Variants in NRG3 observed in about 807,000 individuals in gnomAD.
The protein encoded by NRG3 is neuregulin 3.
NRG3 carries 31 observed loss-of-function variants against 66.9 expected under a neutral mutation model. The ratio of observed to expected loss-of-function variants is 0.46; its 90% confidence interval spans 0.35 to 0.63. NRG3 has a LOEUF of 0.63. Among genes scored for constraint, NRG3 ranks in the 20% least tolerant of loss-of-function variants. The probability of loss-of-function intolerance (pLI) is 0.00; values close to 1 mark genes in which losing one functional copy is unlikely to be tolerated. For synonymous variants in NRG3, 393 were observed against 359.4 expected (o/e 1.09, Z -1.06); for missense variants, 910 against 878.9 (o/e 1.04, Z -0.45).
chr10:82,685,406 G>C (rs193132955), intron 2 of NRG3, among the ~76,000 whole-genome samples: 4 of 152,262 alleles, frequency 2.6e-5, no homozygotes, highest in Admixed American at 2.6e-4. Flanking sequence ...CAGTAAAAAC[G>C]AACTAAGTAC....
chr10:82,525,123 G>A (rs1846567938), intron 2 of NRG3, among the ~76,000 whole-genome samples: 1 of 151,844 alleles, frequency 6.6e-6, no homozygotes, highest in Non-Finnish European at 1.5e-5. Context: ...TAACAAAAAG[G>A]ATGGGCTTGA....
intron 3 of NRG3, among the ~76,000 whole-genome samples, chr10:82,759,176 G>GTCTC (rs113145049): frequency 3.5e-4 from 52 of 150,014 alleles, no homozygotes; most frequent in Middle Eastern, 3.4e-3. Flanking sequence ...GGCTTTCTTG[G>GTCTC]TCTCTCTCTC....
chr10:82,391,349 G>A (rs892274100), intron 2 of NRG3, among the ~76,000 whole-genome samples: 2 of 152,096 alleles, frequency 1.3e-5, no homozygotes, highest in African/African-American at 4.8e-5. Flanking sequence ...GAGGTATAAG[G>A]GGTTAAGGGA....
chr10:82,652,875 T>A (rs1171583242), intron 2 of NRG3, among the ~76,000 whole-genome samples: 1 of 152,194 alleles, frequency 6.6e-6, no homozygotes, highest in African/African-American at 2.4e-5. Context: ...AATAAATGTG[T>A]TGTTTTAAGC....
At chr10:82,133,596 CT>C (rs1268233640) in intron 1 of NRG3, among the ~76,000 whole-genome samples, 1 of 152,164 alleles carries the variant, frequency 6.6e-6, no homozygotes, top group African/African-American at 2.4e-5. Flanking sequence ...TAATCTCCTT[CT>C]TTTTTATGGC....
intron 4 of NRG3, among the ~76,000 whole-genome samples, chr10:82,914,940 T>C (rs1046712446): frequency 3.3e-5 from 5 of 152,174 alleles, no homozygotes; most frequent in African/African-American, 1.2e-4. Flanking sequence ...ATTCTGAGTA[T>C]ATTTTAAATG....
At chr10:82,342,211 G>C (rs1727075908) in intron 1 of NRG3, among the ~76,000 whole-genome samples, 1 of 151,816 alleles carries the variant, frequency 6.6e-6, no homozygotes, top group Non-Finnish European at 1.5e-5. Context: ...ATTGTGAATA[G>C]TGCTGCCAAA....
At chr10:82,379,564 G>A (rs1306635050) in intron 2 of NRG3, among the ~76,000 whole-genome samples, 2 of 152,012 alleles carry the variant, frequency 1.3e-5, no homozygotes, top group Middle Eastern at 6.8e-3. Context: ...TGATATATGC[G>A]GTGCATAGGC....
chr10:82,464,263 T>G (rs531016848), intron 2 of NRG3, among the ~76,000 whole-genome samples: 1 of 152,212 alleles, frequency 6.6e-6, no homozygotes, highest in South Asian at 2.1e-4. Context: ...CAGGAAAATT[T>G]TTTCTTAGAA....
chr10:82,697,319 T>C (rs984677707), intron 2 of NRG3, among the ~76,000 whole-genome samples: 1 of 152,134 alleles, frequency 6.6e-6, no homozygotes, highest in Non-Finnish European at 1.5e-5. Context: ...TTAAGGTAAC[T>C]GGAAGGAATG....
At chr10:82,785,313 C>T (rs914251700) in intron 3 of NRG3, among the ~76,000 whole-genome samples, 5 of 151,146 alleles carry the variant, frequency 3.3e-5, no homozygotes, top group Non-Finnish European at 5.9e-5. Flanking sequence ...ACGTAACTAA[C>T]CTGCACATTG....
Position 82,300,922 on chromosome 10 carries a change from G to C in NRG3, c.824-57817G>C, listed in dbSNP as rs2080366230. On this transcript the variant is annotated intron_variant, in intron 1 of 8. Transcript: ENST00000372141. ...GAAGTGGAAAGATTGCTTGACCCCA[G>C]GAGCTCAAATTCAGCCTGGGCAACC... 1.3e-5 allele frequency among the ~76,000 whole-genome samples: 2 copies of C among 151,820 alleles called. 1 individual carries two copies. Among genetic ancestry groups the C allele is most frequent in the South Asian group, 4.2e-4 (2 of 4,810 alleles).
At chr10:81,988,155 T>G (rs1396426430) in intron 1 of NRG3, among the ~76,000 whole-genome samples, 1 of 152,190 alleles carries the variant, frequency 6.6e-6, no homozygotes, top group Non-Finnish European at 1.5e-5. Context: ...GATATTTAAT[T>G]TACAGAAATG....
intron 1 of NRG3, among the ~76,000 whole-genome samples, chr10:81,927,287 ATATCC>A (rs550110506): frequency 1.9e-4 from 29 of 152,284 alleles, no homozygotes; most frequent in Non-Finnish European, 3.8e-4. Flanking sequence ...TGAATTATTA[ATATCC>A]TATCTGCTGT....
chr10:82,614,561 A>C lies in NRG3; in HGVS notation c.954-124016A>C, dbSNP rs1369145791. ...TATTGAGCACTAATATGTGCAGTTT[A>C]ATGCTTTATTAATGATTTTTTTAAC... On this transcript the variant is annotated intron_variant, in intron 2 of 8. Transcript: ENST00000372141. Among the ~76,000 whole-genome samples the C allele has an allele frequency of 2.0e-5, 3 of 152,214 alleles. No homozygotes were observed. In the East Asian group the frequency reaches 5.8e-4, roughly 29 times the overall value.
intron 1 of NRG3, among the ~76,000 whole-genome samples, chr10:82,119,134 A>G (rs1387185474): frequency 6.6e-6 from 1 of 152,212 alleles, no homozygotes; most frequent in Admixed American, 6.6e-5. Context: ...AATACATCAA[A>G]CACTTATTTT....
intron 2 of NRG3, among the ~76,000 whole-genome samples, chr10:82,617,745 G>A (rs1416849254): frequency 6.6e-6 from 1 of 152,240 alleles, no homozygotes; most frequent in East Asian, 1.9e-4. Context: ...TGGAAGCCAC[G>A]GCCAGTTGGC....
intron 1 of NRG3, among the ~76,000 whole-genome samples, chr10:82,162,830 T>A (rs2071707879): frequency 6.6e-6 from 1 of 152,182 alleles, no homozygotes; most frequent in Non-Finnish European, 1.5e-5. Flanking sequence ...ATGACTCAGT[T>A]ATTTGAGTTA....
chr10:81,916,074 C>CT (rs530777358), intron 1 of NRG3, among the ~76,000 whole-genome samples: 4 of 152,050 alleles, frequency 2.6e-5, no homozygotes, highest in Non-Finnish European at 5.9e-5. Flanking sequence ...ATTTTAAATT[C>CT]TTTTTTTAGT....
Sources: allele counts gnomAD v4.1 joint callset (sites outside exome capture counted in the v4.1 genomes callset), GRCh38; gene constraint gnomAD v4.1.1; transcripts MANE v1.5; gene names NCBI Gene and HGNC (gene_info 2026-07-23, HGNC 2026-07-21).